Variants in PLCH2 observed in about 807,000 individuals in gnomAD.
PLCH2 encodes 1-phosphatidylinositol 4,5-bisphosphate phosphodiesterase eta-2.
Under a neutral mutation model 134.7 loss-of-function variants are expected in PLCH2, and 98 were observed. The ratio of observed to expected loss-of-function variants is 0.73; its 90% CI spans 0.62 to 0.86. The LOEUF (loss-of-function observed/expected upper bound fraction) is 0.86, where lower values mean the gene tolerates loss of function less well. Ranked by LOEUF, PLCH2 falls within the 40% of genes least tolerant of loss-of-function variation. PLCH2 has a pLI of 0.00. For missense variants in PLCH2, 1,994 were observed against 1,986.6 expected (o/e 1.00, Z -0.07); for synonymous variants, 974 against 827.5 (o/e 1.18, Z -3.04).
chr1:2,478,331 G>A, intron 1 of PLCH2, 145 bp from the exon 2 acceptor site: 3 of 988,898 alleles, frequency 3.0e-6, no homozygotes, highest in Non-Finnish European at 4.5e-6. Flanking sequence ...GTGTGGGCGG[G>A]GCCGGGCGAG....
At chr1:2,416,712 A>G in the PLCH2 span, among the ~76,000 whole-genome samples, 1 of 152,194 alleles carries the variant, frequency 6.6e-6, no homozygotes, top group Non-Finnish European at 1.5e-5. Context: ...CTCCGTGGGA[A>G]ACAGTGCCTG....
intron 2 of PLCH2, among the ~76,000 whole-genome samples, chr1:2,446,688 C>T (rs973161781): frequency 6.6e-6 from 1 of 152,348 alleles, no homozygotes; most frequent in South Asian, 2.1e-4. Context: ...GAGGCTGCCT[C>T]GGCTGCCCAG....
chr1:2,429,694 G>A (rs368669076), intron 1 of PLCH2, among the ~76,000 whole-genome samples: 6 of 152,306 alleles, frequency 3.9e-5, no homozygotes, highest in Non-Finnish European at 5.9e-5. Flanking sequence ...GGCTGCGTGC[G>A]TGGTGACCAA....
chr1:2,432,406 G>T (rs954213115), intron 2 of PLCH2, among the ~76,000 whole-genome samples: 2 of 152,186 alleles, frequency 1.3e-5, no homozygotes, highest in African/African-American at 4.8e-5. Context: ...TGCCCTGCTG[G>T]CCCCTCATGG....
In PLCH2 at chr1:2,503,986, GGAGCCCGCCC is replaced by G; in HGVS notation, c.3025_3034del (p.Glu1009GlnfsTer34). On this transcript the variant is annotated frameshift_variant, in exon 22 of 22. Transcript: ENST00000378486. LOFTEE classifies it high-confidence loss of function. Reference sequence around the variant, plus strand: ...TGTGCAGCCTGGAAACCATCGCTGAGGAGCCCGCCCCAGGCCCTGGTCCCCCGCCACCAGC... The same window carrying G: ...TGTGCAGCCTGGAAACCATCGCTGAGCAGGCCCTGGTCCCCCGCCACCAGC... 6.6e-7 allele frequency: 1 copy of G among 1,523,158 alleles called. No homozygotes were observed. Among genetic ancestry groups the G allele is most frequent in the Non-Finnish European group, 8.9e-7 (1 of 1,124,074 alleles). The allele number at this position is 1,523,158 out of a possible 1,614,324, so 94.4% of individuals were successfully genotyped here. A position where few individuals can be genotyped will look rare whatever the true frequency, so the allele number is the denominator to read the frequency against.
At chr1:2,480,789 C>A (rs1323522042) in intron 4 of PLCH2, among the ~76,000 whole-genome samples, 1 of 152,214 alleles carries the variant, frequency 6.6e-6, no homozygotes. Context: ...GAAAATGCAG[C>A]CTTCAGCTGA....
intron 2 of PLCH2, among the ~76,000 whole-genome samples, chr1:2,453,649 C>T (rs1640349691): frequency 6.6e-6 from 1 of 152,220 alleles, no homozygotes; most frequent in African/African-American, 2.4e-5. Context: ...TCCTTCCACC[C>T]CCTGTGGAGC....
chr1:2,456,408 G>A (rs1640495891), intron 2 of PLCH2, among the ~76,000 whole-genome samples: 1 of 152,248 alleles, frequency 6.6e-6, no homozygotes, highest in South Asian at 2.1e-4. Context: ...CTCTAGCCAC[G>A]CGCTCTGGGG....
chr1:2,423,342 C>T (rs1216388332), upstream of PLCH2, among the ~76,000 whole-genome samples: 1 of 152,172 alleles, frequency 6.6e-6, no homozygotes, highest in Non-Finnish European at 1.5e-5. Flanking sequence ...CACATCCCCC[C>T]ACACCCAGCT....
At chr1:2,422,411 A>C (rs2100461554), upstream of PLCH2, among the ~76,000 whole-genome samples, 1 of 152,322 alleles carries the variant, frequency 6.6e-6, no homozygotes, top group Admixed American at 6.5e-5. Flanking sequence ...CAGTCTCTTG[A>C]ATGTTTGTCT....
At chr1:2,437,756 C>T (rs571075067) in intron 2 of PLCH2, among the ~76,000 whole-genome samples, 8 of 152,332 alleles carry the variant, frequency 5.3e-5, no homozygotes, top group South Asian at 2.1e-4. Flanking sequence ...CACACACATA[C>T]GTGCACACAC....
chr1:2,427,059 C>T (rs1337071482), intron 1 of PLCH2, among the ~76,000 whole-genome samples: 1 of 152,224 alleles, frequency 6.6e-6, no homozygotes, highest in African/African-American at 2.4e-5. Context: ...TGGTCTGCCT[C>T]CTATGCCCAG....
chr1:2,469,962 G>C (rs988144187), intron 1 of PLCH2, among the ~76,000 whole-genome samples: 4 of 152,222 alleles, frequency 2.6e-5, no homozygotes, highest in African/African-American at 9.6e-5. Context: ...GAGCCACTCT[G>C]GTGGGACTGT....
At chr1:2,466,065 G>A (rs1641044270), upstream of PLCH2, among the ~76,000 whole-genome samples, 1 of 152,212 alleles carries the variant, frequency 6.6e-6, no homozygotes, top group Non-Finnish European at 1.5e-5. Flanking sequence ...TGGGACGCCT[G>A]TTGCTCCTGG....
At position 2,499,662 on chromosome 1, in the gene PLCH2, A is replaced by G. The variant is rs1170843740; in HGVS notation, c.2603A>G (p.Glu868Gly). The G allele has an allele frequency of 6.2e-7, 1 of 1,602,150 alleles. No homozygotes were observed. The change falls in exon 20 of 22, where the codon GAA (glutamate) becomes GGA (glycine). Residue 868 changes from glutamate (E) to glycine (G), a missense_variant. By Grantham distance (98) the Glu-to-Gly change is moderately conservative. Around this residue, in one of 2 missense-constraint regions of PLCH2, gnomAD observed 1,094 missense variants for 1,234.3 expected, o/e 0.89. Transcript: ENST00000378486. ...CCAGGCTACAGACACGTGTACCTAG[A>G]AGGGATGGAAGAGGCCTCCATCTTC... ...MMPGYRHVYL[E>G]GMEEASIFVH...
rs1050639647 is a variant in PLCH2 at position 2,505,008 on chromosome 1, T to C, written c.4046T>C (p.Ile1349Thr). 1.3e-6 allele frequency: 2 copies of C among 1,544,422 alleles called. No homozygotes were observed. The highest frequency in any genetic ancestry group is 1.7e-6 in the Non-Finnish European group (2 of 1,150,908). The change falls in exon 22 of 22, where the codon ATT (isoleucine) becomes ACT (threonine). Residue 1349 changes from isoleucine to threonine, a missense_variant. This residue lies in a region of PLCH2 where 900 missense variants were observed against 752.3 expected (regional missense o/e 1.20). Coordinates refer to ENST00000378486, the MANE Select transcript of PLCH2 (RefSeq NM_014638.4). ...SSRSHSRVRA[I>T]ASRARQAQER... Reference sequence around the variant, plus strand: ...CGCAGCCACAGCCGCGTGCGTGCCATTGCCAGCCGGGCCCGCCAGGCCCAG... The same window carrying C: ...CGCAGCCACAGCCGCGTGCGTGCCACTGCCAGCCGGGCCCGCCAGGCCCAG...
At chr1:2,443,121 G>A (rs1435019402) in intron 2 of PLCH2, among the ~76,000 whole-genome samples, 1 of 152,188 alleles carries the variant, frequency 6.6e-6, no homozygotes, top group African/African-American at 2.4e-5. Context: ...GGCACAGGAG[G>A]CAGCACCAAG....
intron 1 of PLCH2, among the ~76,000 whole-genome samples, chr1:2,469,426 C>A (rs1641221092): frequency 6.6e-6 from 1 of 152,220 alleles, no homozygotes; most frequent in Non-Finnish European, 1.5e-5. Flanking sequence ...CCACGTGCCG[C>A]CGAGGACGGA....
chr1:2,455,839 T>C (rs1188380950), intron 2 of PLCH2, among the ~76,000 whole-genome samples: 1 of 152,136 alleles, frequency 6.6e-6, no homozygotes, highest in Non-Finnish European at 1.5e-5. Flanking sequence ...CGTGCCCCGG[T>C]CTTCACCCTC....
Sources: gnomAD v4.1 joint callset for allele counts (sites outside exome capture counted in the v4.1 genomes callset) on GRCh38, gnomAD v4.1.1 for gene constraint, gnomAD v4.1.1 regional missense constraint, MANE v1.5 for transcripts, NCBI Gene and HGNC (gene_info 2026-07-23, HGNC 2026-07-21) for gene names.